The following CAMTA1 variants were observed in gnomAD, a reference collection of about 807,000 sequenced individuals.
CAMTA1 encodes the protein calmodulin binding transcription activator 1.
Under a neutral mutation model 170.9 loss-of-function variants are expected in CAMTA1, and 27 were observed. The ratio of observed to expected loss-of-function variants is 0.16; its 90% confidence interval spans 0.12 to 0.22. The LOEUF (loss-of-function observed/expected upper bound fraction) is 0.22, where lower values mean the gene tolerates loss of function less well. CAMTA1 is among the 10% of genes least tolerant of loss of function. The pLI is 1.00. For missense variants in CAMTA1, 1,619 were observed against 2,217.2 expected (o/e 0.73, Z 5.42); for synonymous variants, 833 against 891.5 (o/e 0.93, Z 1.17).
At chr1:7,304,163 G>A (rs186766487) in intron 5 of CAMTA1, among the ~76,000 whole-genome samples, 5 of 152,288 alleles carry the variant, frequency 3.3e-5, no homozygotes, top group African/African-American at 1.2e-4. Flanking sequence ...GCACAACAAT[G>A]CGAACGTCCT....
intron 4 of CAMTA1, among the ~76,000 whole-genome samples, chr1:7,183,413 T>A (rs997791942): frequency 8.5e-5 from 13 of 152,184 alleles, no homozygotes; most frequent in African/African-American, 3.1e-4. Flanking sequence ...ATATCTATCA[T>A]AACTGCTTAT....
Position 7,732,029 on chromosome 1 carries a change from T to G in CAMTA1, c.2915-419T>G, listed in dbSNP as rs2096737433. ...AAGATATACTACCTTTTTTTTTTTT[T>G]GTCTAACATACCTTCCTTTCTTGCT... is the stretch of plus-strand genomic sequence containing the variant. On this transcript the variant is annotated intron_variant, in intron 11 of 22. Coordinates refer to ENST00000303635, the MANE Select transcript of CAMTA1 (RefSeq NM_015215.4). This position sits in a 1 kb window ranked among gnomAD's most constrained non-coding sequence, Gnocchi z 4.1. Among the ~76,000 whole-genome samples the G allele has an allele frequency of 6.6e-6, 1 of 151,822 alleles. No individual in the cohort carries two copies. The highest frequency in any genetic ancestry group is 1.5e-5 in the Non-Finnish European group (1 of 67,964).
intron 3 of CAMTA1, among the ~76,000 whole-genome samples, chr1:6,901,482 T>C (rs1242780947): frequency 6.6e-6 from 1 of 152,208 alleles, no homozygotes; most frequent in Non-Finnish European, 1.5e-5. Flanking sequence ...AACATACGTC[T>C]AATAAGGGAT....
chr1:7,392,908 G>C (rs914610809), intron 5 of CAMTA1, among the ~76,000 whole-genome samples: 1 of 151,538 alleles, frequency 6.6e-6, no homozygotes, highest in African/African-American at 2.4e-5. Context: ...TATAAGCTGA[G>C]TGTGGTGGTT....
intron 6 of CAMTA1, among the ~76,000 whole-genome samples, chr1:7,504,527 T>C (rs900534493): frequency 3.3e-5 from 5 of 152,246 alleles, no homozygotes; most frequent in Non-Finnish European, 5.9e-5. Context: ...CAGAGCTGCC[T>C]GGTCTTTCTG....
At chr1:7,226,152 C>T (rs1661659736) in intron 4 of CAMTA1, among the ~76,000 whole-genome samples, 1 of 152,250 alleles carries the variant, frequency 6.6e-6, no homozygotes, top group Admixed American at 6.5e-5. Flanking sequence ...AAACACGTGC[C>T]TCCAAAGAAC....
chr1:7,123,684 T>A (rs2148477342), intron 4 of CAMTA1, among the ~76,000 whole-genome samples: 1 of 152,312 alleles, frequency 6.6e-6, no homozygotes, highest in South Asian at 2.1e-4. Context: ...CTGCCCTCAC[T>A]CCCGATTCCT....
Position 7,570,435 on chromosome 1 carries a change from G to A in CAMTA1, c.511-69965G>A, listed in dbSNP as rs1041087011. On this transcript the variant is annotated intron_variant, in intron 6 of 22. Transcript: ENST00000303635. The surrounding 1 kb of genome is among the most constrained non-coding windows in gnomAD (Gnocchi z 4.3). ...GAGGAGGAAGCCAGGGGCAAACCCG[G>A]ACCAGCCCGTGCATGTGCCAAGGGC... Among the ~76,000 whole-genome samples the A allele has an allele frequency of 2.6e-5, 4 of 152,218 alleles. No homozygotes were observed. Among genetic ancestry groups the A allele is most frequent in the African/African-American group, 9.6e-5 (4 of 41,470 alleles).
At chr1:7,084,362 G>A (rs1640437251) in intron 3 of CAMTA1, among the ~76,000 whole-genome samples, 1 of 152,182 alleles carries the variant, frequency 6.6e-6, no homozygotes, top group African/African-American at 2.4e-5. Context: ...AGCTGTGGGA[G>A]GGGAGGCTGA....
At chr1:7,564,673 T>C (rs1321306672) in intron 6 of CAMTA1, among the ~76,000 whole-genome samples, 1 of 151,980 alleles carries the variant, frequency 6.6e-6, no homozygotes, top group Non-Finnish European at 1.5e-5. Flanking sequence ...CCAGACATGG[T>C]TGTCGTCCAG....
intron 5 of CAMTA1, among the ~76,000 whole-genome samples, chr1:7,438,277 G>T (rs2149393040): frequency 6.6e-6 from 1 of 152,314 alleles, no homozygotes; most frequent in African/African-American, 2.4e-5. Flanking sequence ...CGAGCGGCAG[G>T]TTTGCGGGGG....
chr1:7,297,915 T>A (rs1320529167), intron 5 of CAMTA1, among the ~76,000 whole-genome samples: 1 of 152,342 alleles, frequency 6.6e-6, no homozygotes, highest in South Asian at 2.1e-4. Context: ...TCCTAGTCAC[T>A]TCATTGTGGC....
Position 6,835,842 on chromosome 1 carries a change from A to G in CAMTA1, c.234+10632A>G, listed in dbSNP as rs538215256. On this transcript the variant is annotated intron_variant, in intron 3 of 22. Transcript: ENST00000303635. ...GGTTTTATTTTTGGCATTTATCTGA[A>G]GTATCTGTTCATGTCTTGACATATA... Among the ~76,000 whole-genome samples, 255 of 152,314 alleles carry G rather than the reference A, an allele frequency of 1.7e-3. 1 individual carries two copies. The highest frequency in any genetic ancestry group is 2.7e-3 in the Admixed American group (41 of 15,304).
At chr1:6,894,636 T>C (rs1675251486) in intron 3 of CAMTA1, among the ~76,000 whole-genome samples, 1 of 152,242 alleles carries the variant, frequency 6.6e-6, no homozygotes, top group African/African-American at 2.4e-5. Context: ...TCTTCTGATT[T>C]AGATGTTTAA....
At chr1:7,341,940 A>G (rs1276276299) in intron 5 of CAMTA1, among the ~76,000 whole-genome samples, 1 of 152,128 alleles carries the variant, frequency 6.6e-6, no homozygotes, top group Non-Finnish European at 1.5e-5. Flanking sequence ...GATAACAGTG[A>G]GGAGAATCCT....
At chr1:7,720,111 C>T (rs1311453385) in intron 11 of CAMTA1, among the ~76,000 whole-genome samples, 2 of 152,200 alleles carry the variant, frequency 1.3e-5, no homozygotes, top group African/African-American at 4.8e-5. Flanking sequence ...TCACGTTTGC[C>T]GATATTATTC....
intron 4 of CAMTA1, among the ~76,000 whole-genome samples, chr1:7,171,436 T>C (rs1195181218): frequency 6.6e-6 from 1 of 152,154 alleles, no homozygotes; most frequent in Non-Finnish European, 1.5e-5. Flanking sequence ...TTACCTCCTA[T>C]TACGATTATT....
Position 7,738,698 on chromosome 1 carries a change from C to A in CAMTA1, c.4182+216C>A, listed in dbSNP as rs185373516. Among the ~76,000 whole-genome samples the A allele has an allele frequency of 6.6e-6, 1 of 152,158 alleles. No individual in the cohort carries two copies. The highest frequency in any genetic ancestry group is 1.5e-5 in the Non-Finnish European group (1 of 68,028). On this transcript the variant is annotated intron_variant, in intron 16 of 22. Coordinates refer to ENST00000303635, the MANE Select transcript of CAMTA1 (RefSeq NM_015215.4). This position sits in a 1 kb window ranked among gnomAD's most constrained non-coding sequence, Gnocchi z 4.9. ...AGTAGGGCCTGAATACCAGTGACCCCGGTCTCAGCAAAGCCTTCCCTCTTT... is the reference window on the plus strand; with the variant it reads ...AGTAGGGCCTGAATACCAGTGACCCAGGTCTCAGCAAAGCCTTCCCTCTTT...
At chr1:7,639,201 G>A (rs1194152710) in intron 6 of CAMTA1, among the ~76,000 whole-genome samples, 1 of 151,768 alleles carries the variant, frequency 6.6e-6, no homozygotes, top group Non-Finnish European at 1.5e-5. Context: ...GGATGGTCTC[G>A]ATCTTCTGAC....
Sources: gnomAD v4.1 joint callset for allele counts (sites outside exome capture counted in the v4.1 genomes callset) on GRCh38, gnomAD v4.1.1 for gene constraint, Gnocchi (gnomAD v3.1) non-coding constraint, MANE v1.5 for transcripts, NCBI Gene and HGNC (gene_info 2026-07-23, HGNC 2026-07-21) for gene names.